The following TCEA1 variants were observed in gnomAD, a reference collection of about 807,000 sequenced individuals.
TCEA1 encodes transcription elongation factor A protein 1.
A neutral mutation model predicts 43.8 loss-of-function variants in TCEA1; 21 were observed. The ratio of observed to expected loss-of-function variants is 0.48; its 90% CI spans 0.34 to 0.69. The LOEUF is 0.69. Ranked by LOEUF, TCEA1 falls within the 30% of genes least tolerant of loss-of-function variation. The pLI, the probability that TCEA1 is intolerant of heterozygous loss-of-function variation, is 0.01. For missense variants in TCEA1, 250 were observed against 365.1 expected (o/e 0.68, Z 2.57); for synonymous variants, 104 against 117.5 (o/e 0.88, Z 0.75).
At chr8:53,970,780 T>C (rs1803133585) in intron 8 of TCEA1, among the ~76,000 whole-genome samples, 1 of 152,136 alleles carries the variant, frequency 6.6e-6, no homozygotes, top group Admixed American at 6.6e-5. Flanking sequence ...TTATTTCGAA[T>C]AAGGATCTCA....
intron 8 of TCEA1, 46 bp downstream of exon 8, chr8:53,978,979 G>A (rs777248974): frequency 1.2e-5 from 19 of 1,550,642 alleles, no homozygotes; most frequent in Non-Finnish European, 1.6e-5. Flanking sequence ...AACAGGAGTT[G>A]CAAGCATTTT....
intron 2 of TCEA1, among the ~76,000 whole-genome samples, chr8:54,008,160 G>T (rs924531922): frequency 3.1e-4 from 31 of 101,506 alleles, no homozygotes; most frequent in Non-Finnish European, 3.6e-4. Flanking sequence ...GCCACAGAGT[G>T]AAACTGTGTC....
rs936251196 is a variant in TCEA1, at chr8:54,022,419, C to G, written c.-294G>C. Reference sequence around the variant, plus strand: ...GCCCATGTTCCCGCCAGGCGGGCGTCGGGCTAGTGGGCAGGCGTGGCTTCC... The same window carrying G: ...GCCCATGTTCCCGCCAGGCGGGCGTGGGGCTAGTGGGCAGGCGTGGCTTCC... On this transcript the variant is annotated 5_prime_UTR_variant, in exon 1 of 10. Transcript: ENST00000521604. 1.3e-5 allele frequency: 6 copies of G among 472,818 alleles called. No homozygotes were observed. The highest frequency in any genetic ancestry group is 1.2e-4 in the African/African-American group (6 of 48,142). 29.3% of individuals were successfully genotyped at this position (472,818 alleles called of 1,614,324 possible). A position where few individuals can be genotyped will look rare whatever the true frequency, so the allele number is the denominator to read the frequency against.
intron 1 of TCEA1, among the ~76,000 whole-genome samples, chr8:54,021,097 G>A (rs1805010170): frequency 1.3e-5 from 2 of 152,164 alleles, no homozygotes; most frequent in African/African-American, 4.8e-5. Context: ...GCTGAGGCAG[G>A]AGAATCACTT....
chr8:54,016,676 T>C (rs1024235378), intron 1 of TCEA1, among the ~76,000 whole-genome samples: 1 of 151,078 alleles, frequency 6.6e-6, no homozygotes, highest in African/African-American at 2.4e-5. Flanking sequence ...CTGTCTCTAC[T>C]AAAAATACAA....
At chr8:54,021,790 G>A (rs1474790416) in intron 1 of TCEA1, 2 of 333,408 alleles carry the variant, frequency 6.0e-6, no homozygotes, top group African/African-American at 2.2e-5. Flanking sequence ...AGTCAACGGA[G>A]AGCGTGCCCT....
intron 9 of TCEA1, chr8:53,970,140 T>A (rs866300352): frequency 6.3e-6 from 3 of 474,050 alleles, no homozygotes; most frequent in Admixed American, 3.8e-5. Flanking sequence ...ATATAATAAT[T>A]GAACAGTTAA....
At chr8:53,980,526 A>G (rs73680392) in intron 7 of TCEA1, among the ~76,000 whole-genome samples, 3,409 of 152,234 alleles carry the variant, frequency 0.022, 121 homozygotes, top group African/African-American at 0.077. Flanking sequence ...CACTATTATT[A>G]TATCTGTTAG....
intron 3 of TCEA1, among the ~76,000 whole-genome samples, chr8:53,995,175 C>T (rs146811300): frequency 1.0e-3 from 155 of 151,804 alleles, no homozygotes; most frequent in Middle Eastern, 3.4e-3. Context: ...GTGGTGCACA[C>T]CTGCAATCCC....
Position 53,988,121 on chromosome 8 carries a change from T to G in TCEA1, c.459A>C (p.Arg153=). Residue 153 remains arginine (R), a synonymous_variant, in exon 5 of 10, where the codon CGA becomes CGC. Coordinates refer to ENST00000521604, the MANE Select transcript of TCEA1 (RefSeq NM_006756.4). The part of the protein sequence containing the change: ...KCREMLAAAL[R]TGDDYIAIGA... ...AACATGCACTGGACTTACCCCCTGT[T>G]CGAAGAGCTGCAGCAAGCATCTCCC... 6.2e-7 allele frequency: 1 copy of G among 1,611,140 alleles called. No homozygotes were observed. Among genetic ancestry groups the G allele is most frequent in the Non-Finnish European group, 8.5e-7 (1 of 1,179,402 alleles).
At position 54,010,828 on chromosome 8, in the gene TCEA1, T is replaced by A. The variant is rs1006445475; in HGVS notation, c.64-336A>T. Among the ~76,000 whole-genome samples, 4 of 151,240 alleles carry A rather than the reference T, an allele frequency of 2.6e-5. No homozygotes were observed. The East Asian group carries it at 5.8e-4, about 22-fold the overall frequency. On this transcript the variant is annotated intron_variant, in intron 1 of 9. Coordinates refer to ENST00000521604, the MANE Select transcript of TCEA1 (RefSeq NM_006756.4). ...GTTTTATTATAACTTTTTTTTTTTT[T>A]AAGACAGAGTCTCACTCTGTTGCCC...
intron 8 of TCEA1, chr8:53,973,098 G>A (rs939406871): frequency 1.5e-6 from 1 of 652,892 alleles, no homozygotes; most frequent in Non-Finnish European, 2.9e-6. Context: ...TAGCGAAAAT[G>A]AAGAGGAGAT....
At chr8:54,021,210 G>C (rs189416048) in intron 1 of TCEA1, among the ~76,000 whole-genome samples, 68 of 152,184 alleles carry the variant, frequency 4.5e-4, no homozygotes, top group African/African-American at 1.6e-3. Context: ...GTTTAGCTAA[G>C]AACAGATGAG....
chr8:54,002,865 T>C, intron 2 of TCEA1: 2 of 455,976 alleles, frequency 4.4e-6, no homozygotes, highest in South Asian at 3.1e-5. Context: ...CTATAGAACA[T>C]CAGGTATACA....
chr8:54,013,097 C>T (rs1315685864), intron 1 of TCEA1, among the ~76,000 whole-genome samples: 1 of 152,060 alleles, frequency 6.6e-6, no homozygotes, highest in Non-Finnish European at 1.5e-5. Context: ...AAGAATCACA[C>T]TTCTAGAAGT....
chr8:53,984,584 C>CA lies in TCEA1; in HGVS notation c.524-68dup, dbSNP rs1362768998. ...AGATCACTTTTTTTTCCTGTTCTGC[C>CA]AAAATAAGAATTCCTGAGGCCAGGC... is the stretch of plus-strand genomic sequence containing the variant. On this transcript the variant is annotated intron_variant, in intron 6 of 9. Transcript: ENST00000521604. 1.1e-5 allele frequency: 16 copies of CA among 1,392,550 alleles called. No homozygotes were observed. The East Asian group carries it at 4.0e-4, about 35-fold the overall frequency. The allele number at this position is 1,392,550 out of a possible 1,614,324, so 86.3% of individuals were successfully genotyped here.
intron 4 of TCEA1, 126 bp downstream of exon 4, chr8:53,993,542 T>C (rs1216011565): frequency 7.2e-6 from 5 of 690,976 alleles, no homozygotes; most frequent in African/African-American, 7.2e-5. Flanking sequence ...CTACATACAT[T>C]TACTACTTCC....
intron 1 of TCEA1, among the ~76,000 whole-genome samples, chr8:54,012,167 G>T (rs1359458313): frequency 6.6e-6 from 1 of 152,180 alleles, no homozygotes; most frequent in African/African-American, 2.4e-5. Context: ...AAGATTTCTA[G>T]ATTTCTCATA....
chr8:53,992,945 T>C (rs984739468), intron 4 of TCEA1, among the ~76,000 whole-genome samples: 1 of 148,332 alleles, frequency 6.7e-6, no homozygotes. Flanking sequence ...TAAGTTCTTA[T>C]AACAAATGGC....
Sources: allele counts gnomAD v4.1 joint callset (sites outside exome capture counted in the v4.1 genomes callset), GRCh38; gene constraint gnomAD v4.1.1; transcripts MANE v1.5; gene names NCBI Gene and HGNC (gene_info 2026-07-23, HGNC 2026-07-21).